Variants in PPP4R3B observed in about 807,000 individuals in gnomAD.
The protein encoded by PPP4R3B is serine/threonine-protein phosphatase 4 regulatory subunit 3B.
PPP4R3B carries 52 observed loss-of-function variants against 95.4 expected under a neutral mutation model. The ratio of observed to expected loss-of-function variants is 0.54; its 90% CI spans 0.44 to 0.69. PPP4R3B has a LOEUF of 0.69. Among genes scored for constraint, PPP4R3B ranks in the 30% least tolerant of loss-of-function variants. The pLI is 0.00. For synonymous variants in PPP4R3B, 407 were observed against 343.9 expected, an observed-to-expected ratio of 1.18 and a Z score of -2.03; for missense variants, 1,003 against 1,005.9, an observed-to-expected ratio of 1.00 and a Z score of 0.04.
intron 2 of PPP4R3B, among the ~76,000 whole-genome samples, chr2:55,604,809 C>CAA (rs1693150612): frequency 6.6e-6 from 1 of 151,936 alleles, no homozygotes; most frequent in African/African-American, 2.4e-5. Context: ...CACACACACA[C>CAA]ACACACATAC....
At position 55,550,140 on chromosome 2, in the gene PPP4R3B, T is replaced by A; in HGVS notation, c.2455-134A>T. The A allele has an allele frequency of 4.6e-6, 3 of 650,108 alleles. No homozygotes were observed. The South Asian group carries it at 5.7e-5, about 12-fold the overall frequency. The allele number at this position is 650,108 out of a possible 1,614,324, so 40.3% of individuals were successfully genotyped here. ...ATCAGAAATTAACATTTGAATTTGA[T>A]AAAGGAACTGCTTGAAATTATGAAC... On this transcript the variant is annotated intron_variant, in intron 16 of 16. Transcript: ENST00000616407.
intron 16 of PPP4R3B, among the ~76,000 whole-genome samples, chr2:55,553,367 TG>T (rs1685465671): frequency 6.6e-6 from 1 of 152,116 alleles, no homozygotes; most frequent in Admixed American, 6.5e-5. Context: ...CACAGGAGTA[TG>T]GGGGGAACTA....
intron 4 of PPP4R3B, among the ~76,000 whole-genome samples, chr2:55,596,345 C>T (rs537958047): frequency 1.6e-3 from 51 of 31,870 alleles, no homozygotes; most frequent in Non-Finnish European, 2.2e-3. Context: ...TCGTCTATTT[C>T]GAAAAAAAAA....
chr2:55,585,948 A>C (rs1690075738), intron 6 of PPP4R3B, among the ~76,000 whole-genome samples: 1 of 117,284 alleles, frequency 8.5e-6, no homozygotes, highest in South Asian at 2.4e-4. Flanking sequence ...GCTGTGTGAC[A>C]TGATATCACC....
chr2:55,551,310 C>G (rs1335902741), intron 16 of PPP4R3B, among the ~76,000 whole-genome samples: 2 of 151,968 alleles, frequency 1.3e-5, no homozygotes, highest in East Asian at 3.9e-4. Flanking sequence ...TGCACTCTAG[C>G]CTGGGCAACA....
At chr2:55,596,345 CG>C (rs1324851279) in intron 4 of PPP4R3B, among the ~76,000 whole-genome samples, 2 of 31,826 alleles carry the variant, frequency 6.3e-5, no homozygotes, top group African/African-American at 4.7e-4. Context: ...TCGTCTATTT[CG>C]AAAAAAAAAA....
chr2:55,581,939 A>G (rs573443092), intron 7 of PPP4R3B, among the ~76,000 whole-genome samples: 1 of 152,270 alleles, frequency 6.6e-6, no homozygotes, highest in Non-Finnish European at 1.5e-5. Context: ...AAAACCCACA[A>G]AAGCAGAGCA....
At chr2:55,592,599 C>A (rs1042352549) in intron 4 of PPP4R3B, among the ~76,000 whole-genome samples, 1 of 152,118 alleles carries the variant, frequency 6.6e-6, no homozygotes. Context: ...TTTTCTCTTT[C>A]CGTGCCAAAA....
intron 15 of PPP4R3B, among the ~76,000 whole-genome samples, chr2:55,561,608 C>T (rs1686634357): frequency 6.6e-6 from 1 of 152,258 alleles, no homozygotes; most frequent in Admixed American, 6.5e-5. Context: ...GGGAGCCTAC[C>T]TGTTGTATCA....
chr2:55,587,753 A>G (rs187874934), intron 5 of PPP4R3B, among the ~76,000 whole-genome samples: 110 of 152,342 alleles, frequency 7.2e-4, no homozygotes, highest in African/African-American at 2.6e-3. Context: ...GTCCCCAGTA[A>G]TATCTCAAAA....
At chr2:55,568,158 AT>A in intron 13 of PPP4R3B, 35 bp downstream of exon 13, 16 of 1,334,940 alleles carry the variant, frequency 1.2e-5, no homozygotes, top group Non-Finnish European at 1.6e-5. Context: ...TTTACATATA[AT>A]TACATATAAT....
At chr2:55,591,299 G>C (rs983992240) in intron 4 of PPP4R3B, among the ~76,000 whole-genome samples, 4 of 150,604 alleles carry the variant, frequency 2.7e-5, no homozygotes, top group Non-Finnish European at 5.9e-5. Flanking sequence ...ACCATACCTG[G>C]CTATTTTTTT....
In PPP4R3B at chr2:55,578,278, G is replaced by A; in HGVS notation, c.1533C>T (p.Ser511=). 1.4e-6 allele frequency: 2 copies of A among 1,480,142 alleles called. No homozygotes were observed. The highest frequency in any genetic ancestry group is 1.5e-5 in the South Asian group (1 of 67,932). 91.7% of individuals were successfully genotyped at this position (1,480,142 alleles called of 1,614,324 possible). Residue 511 remains serine, a synonymous_variant, in exon 10 of 17, where the codon TCC becomes TCT. Transcript: ENST00000616407. ...AGATGGAGGAAGAGGGGGTAGAATG[G>A]GAATGGGAATGTGAAGGGGTACATA... The part of the protein sequence containing the change: ...SFICTPSHSH[S]HSTPSSSISQ...
Position 55,598,701 on chromosome 2 carries a change from T to A in PPP4R3B, c.636A>T (p.Val212=). Residue 212 remains valine, a synonymous_variant, in exon 4 of 17, where the codon GTA becomes GTT. Transcript: ENST00000616407. Reference sequence around the variant, plus strand: ...CCATGATACACTCATCAGAAAACATTACCTCAAAAAGAGTTGCCTTATTTA... The same window carrying A: ...CCATGATACACTCATCAGAAAACATAACCTCAAAAAGAGTTGCCTTATTTA... ...LFLNKATLFE[V]MFSDECIMDV... is the part of the protein sequence containing the mutation. 3 of 1,614,204 alleles carry A rather than the reference T, an allele frequency of 1.9e-6. No homozygotes were observed. Among genetic ancestry groups the A allele is most frequent in the Non-Finnish European group, 2.5e-6 (3 of 1,180,036 alleles).
chr2:55,555,003 G>A (rs970394312), intron 16 of PPP4R3B, among the ~76,000 whole-genome samples: 9 of 152,204 alleles, frequency 5.9e-5, no homozygotes, highest in Non-Finnish European at 7.4e-5. Flanking sequence ...TATTGTGGCC[G>A]GGCGCGGTGG....
At position 55,613,325 on chromosome 2, in the gene PPP4R3B, T is replaced by C. The variant is rs1572754675; in HGVS notation, c.198+2126A>G. ...TTCCATATTCTTCTCATTACCAGAG[T>C]TCTCTTATACACCTGAATGTTATGT... On this transcript the variant is annotated intron_variant, in intron 2 of 16. Coordinates refer to ENST00000616407, the MANE Select transcript of PPP4R3B (RefSeq NM_001122964.3). Among the ~76,000 whole-genome samples the C allele has an allele frequency of 2.0e-5, 3 of 151,460 alleles. No homozygotes were observed. The East Asian group carries it at 5.8e-4, about 29-fold the overall frequency.
chr2:55,582,933 G>A (rs1689628079), intron 7 of PPP4R3B, among the ~76,000 whole-genome samples: 1 of 151,988 alleles, frequency 6.6e-6, no homozygotes, highest in African/African-American at 2.4e-5. Context: ...GCAATCTGTG[G>A]CATAAAAAGA....
At chr2:55,569,484 C>G (rs1574731519) in intron 12 of PPP4R3B, among the ~76,000 whole-genome samples, 1 of 152,300 alleles carries the variant, frequency 6.6e-6, no homozygotes, top group Non-Finnish European at 1.5e-5. Context: ...CCATCCTGTA[C>G]ACCTGGCTCT....
intron 2 of PPP4R3B, among the ~76,000 whole-genome samples, chr2:55,609,680 A>C (rs1018146223): frequency 6.6e-6 from 1 of 151,714 alleles, no homozygotes; most frequent in Non-Finnish European, 1.5e-5. Flanking sequence ...AAAAAAAAAA[A>C]ACAAAAAAAA....
Sources: gnomAD v4.1 joint callset for allele counts (sites outside exome capture counted in the v4.1 genomes callset) on GRCh38, gnomAD v4.1.1 for gene constraint, MANE v1.5 for transcripts, NCBI Gene and HGNC (gene_info 2026-07-23, HGNC 2026-07-21) for gene names.